MATN2: variants seen among roughly 807,000 people sequenced by gnomAD.
MATN2 encodes the protein matrilin-2.
In MATN2, 69 loss-of-function variants were observed where a neutral mutation model predicts 103.2. That is an observed-to-expected ratio of 0.67 (90% CI 0.55 to 0.82). The LOEUF (loss-of-function observed/expected upper bound fraction) is 0.82. MATN2 is among the 40% of genes least tolerant of loss of function. The pLI, the probability that MATN2 is intolerant of heterozygous loss-of-function variation, is 0.00. For missense variants in MATN2, 1,023 were observed against 1,211.5 expected (o/e 0.84, Z 2.31); for synonymous variants, 429 against 450.2 (o/e 0.95, Z 0.60).
At chr8:97,944,276 A>T (rs1810671890) in intron 4 of MATN2, among the ~76,000 whole-genome samples, 1 of 152,226 alleles carries the variant, frequency 6.6e-6, no homozygotes, top group East Asian at 1.9e-4. Flanking sequence ...TTTGAGATTC[A>T]CTGGCCTCAG....
chr8:98,032,200 G>C, intron 15 of MATN2, 46 bp from the exon 16 acceptor site: 2 of 1,486,648 alleles, frequency 1.3e-6, no homozygotes, highest in Non-Finnish European at 1.9e-6. Flanking sequence ...ACACACACAT[G>C]CCTGTGGACA....
intron 10 of MATN2, among the ~76,000 whole-genome samples, chr8:98,008,233 T>A (rs1316041984): frequency 1.3e-5 from 2 of 148,570 alleles, no homozygotes; most frequent in African/African-American, 2.5e-5. Flanking sequence ...TTGTCTCAAT[T>A]AAAAAAAAAA....
chr8:97,927,048 G>A (rs1810009458), intron 2 of MATN2, among the ~76,000 whole-genome samples: 1 of 152,210 alleles, frequency 6.6e-6, no homozygotes, highest in Non-Finnish European at 1.5e-5. Flanking sequence ...CTTCACCAGG[G>A]AGCTTGTTAG....
chr8:98,008,201 T>G (rs369566896), intron 10 of MATN2, among the ~76,000 whole-genome samples: 32 of 149,934 alleles, frequency 2.1e-4, no homozygotes, highest in African/African-American at 7.6e-4. Context: ...GGTACATATT[T>G]CCTTGCAGCT....
intron 1 of MATN2, among the ~76,000 whole-genome samples, chr8:97,874,167 C>T (rs995513107): frequency 6.6e-6 from 1 of 152,162 alleles, no homozygotes; most frequent in Non-Finnish European, 1.5e-5. Context: ...AACTTAGTGA[C>T]TTAAAACACA....
rs371980475 is a variant in MATN2, at chr8:98,018,064, G to A, written c.1767G>A (p.Thr589=). ...HICVNSDDSY[T]CECLEGFRLA... ...GTGTGAACAGTGATGACTCATACAC[G>A]TGCGAGTGCTTGGAGGGATTCCGGC... is the stretch of plus-strand genomic sequence containing the variant. Residue 589 remains threonine, a synonymous_variant, in exon 12 of 19, where the codon ACG becomes ACA. Coordinates refer to ENST00000254898, the MANE Select transcript of MATN2 (RefSeq NM_002380.5). 14 of 1,613,828 alleles carry A rather than the reference G, an allele frequency of 8.7e-6. No homozygotes were observed. The African/African-American group carries it at 1.1e-4, about 12-fold the overall frequency.
At chr8:97,885,826 G>C (rs1385752297) in intron 1 of MATN2, among the ~76,000 whole-genome samples, 1 of 152,160 alleles carries the variant, frequency 6.6e-6, no homozygotes, top group Non-Finnish European at 1.5e-5. Context: ...GGTTTAAAAA[G>C]GGGGGTGAGG....
At chr8:97,928,563 C>T (rs1334412990) in intron 2 of MATN2, among the ~76,000 whole-genome samples, 1 of 152,206 alleles carries the variant, frequency 6.6e-6, no homozygotes, top group Non-Finnish European at 1.5e-5. Flanking sequence ...TAGGGTGGCT[C>T]AGCCCCTGGG....
At chr8:97,885,877 C>T (rs1302356867) in intron 1 of MATN2, among the ~76,000 whole-genome samples, 2 of 152,156 alleles carry the variant, frequency 1.3e-5, no homozygotes, top group Non-Finnish European at 2.9e-5. Flanking sequence ...GGGTCCCCAA[C>T]CCCCACCCGG....
At chr8:97,887,216 A>T (rs750597969) in intron 1 of MATN2, among the ~76,000 whole-genome samples, 3 of 151,896 alleles carry the variant, frequency 2.0e-5, no homozygotes, top group Non-Finnish European at 2.9e-5. Flanking sequence ...AAATAAATTT[A>T]AATTTTTTTT....
chr8:98,003,876 C>T (rs1812869993), intron 8 of MATN2, 93 bp downstream of exon 8: 2 of 1,462,814 alleles, frequency 1.4e-6, no homozygotes, highest in East Asian at 2.3e-5. Flanking sequence ...TTCTGGAGCC[C>T]ACCGGGTTTC....
chr8:97,964,579 C>T (rs371521477), intron 5 of MATN2, among the ~76,000 whole-genome samples: 6 of 151,976 alleles, frequency 3.9e-5, no homozygotes, highest in Middle Eastern at 3.4e-3. Flanking sequence ...GCTGGGACCA[C>T]GTGTGTGCAC....
At chr8:98,033,245 C>T (rs1052621072) in intron 17 of MATN2, 69 bp downstream of exon 17, 4 of 1,358,968 alleles carry the variant, frequency 2.9e-6, no homozygotes, top group Non-Finnish European at 4.0e-6. Context: ...ACAACCTTAG[C>T]TTTAAGGAGG....
At chr8:97,998,842 A>G (rs1372339272) in intron 7 of MATN2, among the ~76,000 whole-genome samples, 1 of 152,132 alleles carries the variant, frequency 6.6e-6, no homozygotes, top group Non-Finnish European at 1.5e-5. Flanking sequence ...GTGTGGCAAA[A>G]TATATATAAC....
intron 2 of MATN2, among the ~76,000 whole-genome samples, chr8:97,901,153 C>G (rs1818966916): frequency 6.6e-6 from 1 of 152,096 alleles, no homozygotes; most frequent in African/African-American, 2.4e-5. Flanking sequence ...TTCTCCTCTT[C>G]CAGTTAAAGC....
intron 4 of MATN2, among the ~76,000 whole-genome samples, chr8:97,954,361 A>T (rs989071979): frequency 6.6e-6 from 1 of 152,228 alleles, no homozygotes; most frequent in Admixed American, 6.5e-5. Context: ...TTTCCTGCTT[A>T]TAACGTATCA....
chr8:97,923,177 G>A (rs1213913699), intron 2 of MATN2, among the ~76,000 whole-genome samples: 1 of 149,822 alleles, frequency 6.7e-6, no homozygotes, highest in Non-Finnish European at 1.5e-5. Context: ...ATCATGGCTT[G>A]CTGTCTCTCT....
At chr8:97,998,722 GTATT>G (rs36143574) in intron 7 of MATN2, among the ~76,000 whole-genome samples, 70,634 of 149,620 alleles carry the variant, frequency 0.47, 17,394 homozygotes, top group Non-Finnish European at 0.53. Flanking sequence ...CCTCTTTTTG[GTATT>G]TATTTATTTT....
chr8:97,880,993 A>C (rs1341398379), intron 1 of MATN2, among the ~76,000 whole-genome samples: 1 of 152,156 alleles, frequency 6.6e-6, no homozygotes, highest in Non-Finnish European at 1.5e-5. Context: ...TTCCACCTAT[A>C]AATCTTAGTG....
Sources: allele counts gnomAD v4.1 joint callset (sites outside exome capture counted in the v4.1 genomes callset), GRCh38; gene constraint gnomAD v4.1.1; transcripts MANE v1.5; gene names NCBI Gene and HGNC (gene_info 2026-07-23, HGNC 2026-07-21).